The following TMBIM1 variants were observed in gnomAD, a reference collection of about 807,000 sequenced individuals.
TMBIM1 encodes protein lifeguard 3.
In TMBIM1, 34 loss-of-function variants were observed where a neutral mutation model predicts 45.1. The observed-to-expected ratio is 0.75, with a 90% CI of 0.57 to 1.00. The LOEUF (loss-of-function observed/expected upper bound fraction) is 1.00, where lower values mean the gene tolerates loss of function less well. Ranked by LOEUF, TMBIM1 falls within the 50% of genes least tolerant of loss-of-function variation. The probability of loss-of-function intolerance (pLI) is 0.00; values close to 1 mark genes in which losing one functional copy is unlikely to be tolerated. For missense variants in TMBIM1, 374 were observed against 402.4 expected (o/e 0.93, Z 0.60); for synonymous variants, 157 against 153.5 (o/e 1.02, Z -0.17).
At chr2:218,280,613 A>G in intron 2 of TMBIM1, 1 of 173,416 alleles carries the variant, frequency 5.8e-6, no homozygotes, top group Non-Finnish European at 1.2e-5. Flanking sequence ...TGCAGGACCC[A>G]TGCGCAGATC....
intron 1 of TMBIM1, among the ~76,000 whole-genome samples, chr2:218,285,426 T>C (rs1692425786): frequency 6.6e-6 from 1 of 152,160 alleles, no homozygotes; most frequent in South Asian, 2.1e-4. Context: ...TCATGGGTTT[T>C]AGCCTCAACA....
At chr2:218,285,638 G>A (rs1256043831) in intron 1 of TMBIM1, 1 of 152,310 alleles carries the variant, frequency 6.6e-6, no homozygotes, top group African/African-American at 2.4e-5. Context: ...CCTGTCCTTG[G>A]TTACCGAGCT....
In TMBIM1 at chr2:218,279,110, CAGG is replaced by C. The variant is rs763998058; in HGVS notation, c.369-22_369-20del. On this transcript the variant is annotated intron_variant, in intron 4 of 11. Transcript: ENST00000258412. ...AGGTTCCCTGTGGGGCACAGGAGGA[CAGG>C]AGTAGTCACCCTGAGGCTTGTCTGC... is the stretch of plus-strand genomic sequence containing the variant. The C allele has an allele frequency of 8.7e-6, 14 of 1,614,004 alleles. No homozygotes were observed. In the South Asian group the frequency reaches 1.4e-4, roughly 16 times the overall value.
chr2:218,277,898 G>A (rs745981797), intron 7 of TMBIM1, 37 bp downstream of exon 7: 14 of 1,613,726 alleles, frequency 8.7e-6, no homozygotes, highest in Non-Finnish European at 1.2e-5. Flanking sequence ...CTCCCTCACA[G>A]CATCTCCACA....
At chr2:218,280,202 T>A (rs773951338) in intron 2 of TMBIM1, 76 bp from the exon 3 acceptor site, 16 of 1,088,518 alleles carry the variant, frequency 1.5e-5, no homozygotes, top group Non-Finnish European at 2.3e-5. Context: ...CCTGACAATC[T>A]CAAAGTCTCA....
chr2:218,280,806 T>TG, intron 2 of TMBIM1: 1 of 100,724 alleles, frequency 9.9e-6, no homozygotes, highest in Non-Finnish European at 1.9e-5. Flanking sequence ...CCTCATTTCC[T>TG]TTTTTTTTTT....
intron 10 of TMBIM1, 30 bp downstream of exon 10, chr2:218,276,974 C>G: frequency 6.3e-7 from 1 of 1,595,612 alleles, no homozygotes; most frequent in South Asian, 1.1e-5. Context: ...GCACTGGGTT[C>G]CCTGACCCCA....
Position 218,277,325 on chromosome 2 carries a change from G to T in TMBIM1, c.639+41C>A, listed in dbSNP as rs759570651. ...GCCGGGGTCCGGGCCTGATAAGAAA[G>T]GGGAGTCGGGGGGCCAGGGAAGGGC... On this transcript the variant is annotated intron_variant, in intron 9 of 11. Transcript: ENST00000258412. 4.4e-6 allele frequency: 7 copies of T among 1,584,926 alleles called. No individual in the cohort carries two copies. In the East Asian group the frequency reaches 1.6e-4, roughly 35 times the overall value.
chr2:218,276,188 G>A, intron 10 of TMBIM1, 109 bp from the exon 11 acceptor site: 1 of 1,186,926 alleles, frequency 8.4e-7, no homozygotes, highest in Non-Finnish European at 1.2e-6. Context: ...GAGCTGGGAA[G>A]CTAGCTCTCC....
chr2:218,276,176 T>C (rs1691189053), intron 10 of TMBIM1, 97 bp from the exon 11 acceptor site: 1 of 1,357,362 alleles, frequency 7.4e-7, no homozygotes, highest in Non-Finnish European at 1.0e-6. Context: ...TGAGAGTGGG[T>C]AGAGCTGGGA....
chr2:218,278,461 C>T (rs1691492377), intron 6 of TMBIM1, 54 bp downstream of exon 6: 1 of 1,559,334 alleles, frequency 6.4e-7, no homozygotes, highest in Non-Finnish European at 8.8e-7. Flanking sequence ...AAATACTCGG[C>T]CCCCATCCCA....
chr2:218,276,051 G>A lies in TMBIM1; in HGVS notation c.764C>T (p.Ala255Val). The change falls in exon 11 of 12, where the codon GCT (alanine) becomes GTT (valine). Residue 255 changes from alanine (A) to valine (V), a missense_variant. Transcript: ENST00000258412. ...YVYWLHMLYA[A>V]LGAICFTLFL... The stretch of plus-strand genomic sequence containing the variant: ...CAGGGTGAAACAAATGGCCCCCAGA[G>A]CAGCATAGAGCATGTGGAGCCAGTA... 5.0e-6 allele frequency: 8 copies of A among 1,613,146 alleles called. No individual in the cohort carries two copies. The highest frequency in any genetic ancestry group is 6.8e-6 in the Non-Finnish European group (8 of 1,179,642).
At chr2:218,287,525 T>C (rs1356152426) in intron 1 of TMBIM1, among the ~76,000 whole-genome samples, 1 of 152,066 alleles carries the variant, frequency 6.6e-6, no homozygotes, top group Non-Finnish European at 1.5e-5. Flanking sequence ...GTGGCCAACA[T>C]GGTCAAACCC....
chr2:218,283,773 G>C (rs976782324), intron 1 of TMBIM1, among the ~76,000 whole-genome samples: 1 of 152,160 alleles, frequency 6.6e-6, no homozygotes. Context: ...AGGGGGAATT[G>C]AATAAAAGTC....
chr2:218,291,091 AG>A (rs2106241964), intron 1 of TMBIM1, among the ~76,000 whole-genome samples: 1 of 152,274 alleles, frequency 6.6e-6, no homozygotes, highest in African/African-American at 2.4e-5. Flanking sequence ...ACCCATTCCC[AG>A]GGGAGGAGGC....
At position 218,275,347 on chromosome 2, in the gene TMBIM1, AGAAAG is replaced by A; in HGVS notation, c.*123_*127del. 6.1e-6 allele frequency: 8 copies of A among 1,314,486 alleles called. No homozygotes were observed. Among genetic ancestry groups the A allele is most frequent in the Non-Finnish European group, 7.2e-6 (7 of 978,650 alleles). 81.4% of individuals were successfully genotyped at this position (1,314,486 alleles called of 1,614,324 possible). On this transcript the variant is annotated 3_prime_UTR_variant, in exon 12 of 12. Coordinates refer to ENST00000258412, the MANE Select transcript of TMBIM1 (RefSeq NM_022152.6). ...CAGAGAGGCCACCTGTCTCCAGGAC[AGAAAG>A]GAAACTGGGCATGTTACTCAAGGGG...
At position 218,291,595 on chromosome 2, in the gene TMBIM1, A is replaced by G. The variant is rs1044271188; in HGVS notation, c.-41+871T>C. ...GGGTACCACGTAGAGGCCACAGAGG[A>G]GGGAGAGGAGATGGAGACCCCATAG... On this transcript the variant is annotated intron_variant, in intron 1 of 11. Coordinates refer to ENST00000258412, the MANE Select transcript of TMBIM1 (RefSeq NM_022152.6). Among the ~76,000 whole-genome samples, 5 of 152,068 alleles carry G rather than the reference A, an allele frequency of 3.3e-5. No individual in the cohort carries two copies. In the South Asian group the frequency reaches 6.2e-4, roughly 19 times the overall value.
Position 218,279,309 on chromosome 2 carries a change from G to A in TMBIM1, c.348C>T (p.Ile116=). The part of the protein sequence containing the change: ...ISVQLLITVA[I]IAIFTFVEPV... ...CTTACACAAAGGTGAAGATAGCAATGATGGCCACAGTGATGAGCAGCTGCA... is the reference window on the plus strand; with the variant it reads ...CTTACACAAAGGTGAAGATAGCAATAATGGCCACAGTGATGAGCAGCTGCA... The change falls in exon 4 of 12, where the codon ATC becomes ATT. Residue 116 remains isoleucine (I), a synonymous_variant. Transcript: ENST00000258412. 2 of 1,588,738 alleles carry A rather than the reference G, an allele frequency of 1.3e-6. No homozygotes were observed. Among genetic ancestry groups the A allele is most frequent in the Middle Eastern group, 1.7e-4 (1 of 5,930 alleles).
At chr2:218,286,463 G>C (rs1692516648) in intron 1 of TMBIM1, 1 of 152,130 alleles carries the variant, frequency 6.6e-6, no homozygotes, top group Non-Finnish European at 1.5e-5. Flanking sequence ...CCCTATCCTT[G>C]CCCATTATAG....
Sources: allele counts gnomAD v4.1 joint callset (sites outside exome capture counted in the v4.1 genomes callset), GRCh38; gene constraint gnomAD v4.1.1; transcripts MANE v1.5; gene names NCBI Gene and HGNC (gene_info 2026-07-23, HGNC 2026-07-21).